Variants in DGKH observed in about 807,000 individuals in gnomAD.
The protein encoded by DGKH is DAG kinase eta.
In DGKH, 90 loss-of-function variants were observed where a neutral mutation model predicts 159.3. That is an observed-to-expected ratio of 0.57 (90% CI 0.48 to 0.67). The LOEUF (loss-of-function observed/expected upper bound fraction) is 0.67, where lower values mean the gene tolerates loss of function less well. Ranked by LOEUF, DGKH falls within the 30% of genes least tolerant of loss-of-function variation. The pLI, the probability that DGKH is intolerant of heterozygous loss-of-function variation, is 0.00. For synonymous variants in DGKH, 536 were observed against 553.8 expected (o/e 0.97, Z 0.45); for missense variants, 1,181 against 1,506.1 (o/e 0.78, Z 3.57).
upstream of DGKH, chr13:42,048,635 G>A (rs559948162): frequency 1.2e-5 from 13 of 1,109,680 alleles, no homozygotes; most frequent in African/African-American, 1.5e-4. This position sits in a 1 kb window ranked among gnomAD's most constrained non-coding sequence, Gnocchi z 6.7. Flanking sequence ...CCCTTACCTC[G>A]CGGGGGTAGC....
At chr13:42,113,009 G>A (rs1436390411) in intron 1 of DGKH, among the ~76,000 whole-genome samples, 2 of 152,274 alleles carry the variant, frequency 1.3e-5, no homozygotes, top group African/African-American at 4.8e-5. Context: ...CTTTTGTTCG[G>A]ATCATAGTTG....
At chr13:42,157,628 A>G (rs949120505) in intron 5 of DGKH, among the ~76,000 whole-genome samples, 2 of 152,194 alleles carry the variant, frequency 1.3e-5, no homozygotes, top group African/African-American at 4.8e-5. Context: ...TATTTTCTAT[A>G]TGAAGTCTGT....
In DGKH at chr13:42,070,287, T is replaced by A. The variant is rs530010705; in HGVS notation, c.192+21322T>A. The A allele has an allele frequency of 1.4e-5, 18 of 1,251,712 alleles. No homozygotes were observed. In the East Asian group the frequency reaches 4.2e-4, roughly 29 times the overall value. The allele number at this position is 1,251,712 out of a possible 1,614,324, so 77.5% of individuals were successfully genotyped here. On this transcript the variant is annotated intron_variant, in intron 1 of 29. Transcript: ENST00000337343. ...GTTTGTGTGGCTCAGTCATGTGATT[T>A]CTAATGTAAACTGGAATTACGCTGA...
At chr13:42,101,031 G>C (rs966468777) in intron 1 of DGKH, among the ~76,000 whole-genome samples, 1 of 152,250 alleles carries the variant, frequency 6.6e-6, no homozygotes, top group South Asian at 2.1e-4. Context: ...AGCTGTTGAT[G>C]ATCTTTGTGA....
At chr13:42,053,548 C>CTATATATGTATATATATAACTA (rs1881507303) in intron 1 of DGKH, among the ~76,000 whole-genome samples, 6 of 97,872 alleles carry the variant, frequency 6.1e-5, no homozygotes, top group South Asian at 3.3e-4. Context: ...ATATATATAA[C>CTATATATGTATATATATAACTA]TATATATGTA....
chr13:42,161,974 C>T (rs1956193505), intron 7 of DGKH, among the ~76,000 whole-genome samples: 1 of 151,912 alleles, frequency 6.6e-6, no homozygotes, highest in African/African-American at 2.4e-5. Flanking sequence ...TTCTATTCAC[C>T]CCTAACTTTT....
At chr13:42,110,587 A>ATCATTCATTCATTCATTCAT (rs140415925) in intron 1 of DGKH, among the ~76,000 whole-genome samples, 46,575 of 150,800 alleles carry the variant, frequency 0.31, 7,691 homozygotes, top group African/African-American at 0.42. Context: ...TTGAAGGATA[A>ATCATTCATTCATTCATTCAT]TCATTCATTC....
At chr13:42,047,899 G>A (rs1231136919), upstream of DGKH, among the ~76,000 whole-genome samples, 2 of 152,004 alleles carry the variant, frequency 1.3e-5, no homozygotes, top group African/African-American at 2.4e-5. Flanking sequence ...TTGTTTCTGC[G>A]CTTTCTCCAC....
At position 42,122,960 on chromosome 13, in the gene DGKH, G is replaced by A. The variant is rs115022352; in HGVS notation, c.193-4503G>A. ...AATTTTGCAAGATGTTCTTTGATTT[G>A]ACTAAAAAATCTGTATGATCCAAGA... On this transcript the variant is annotated intron_variant, in intron 1 of 29. Coordinates refer to ENST00000337343, the MANE Select transcript of DGKH (RefSeq NM_178009.5). Among the ~76,000 whole-genome samples, 478 of 152,196 alleles carry A rather than the reference G, an allele frequency of 3.1e-3. 2 individuals carry two copies. The highest frequency in any genetic ancestry group is 0.011 in the African/African-American group (466 of 41,552).
rs1021417913 is a variant in DGKH, at chr13:42,134,136, A to C, written c.384+4504A>C. ...TGGAAAACCTGTGCTTTGCCTGAAA[A>C]CCCAGTGCTGAACTCTCTGGTAAAA... On this transcript the variant is annotated intron_variant, in intron 3 of 29. Coordinates refer to ENST00000337343, the MANE Select transcript of DGKH (RefSeq NM_178009.5). Among the ~76,000 whole-genome samples the C allele has an allele frequency of 3.3e-5, 5 of 152,270 alleles. No individual in the cohort carries two copies. In the South Asian group the frequency reaches 8.3e-4, roughly 25 times the overall value.
In DGKH at chr13:42,199,817, C is replaced by A; in HGVS notation, c.2401C>A (p.Arg801=). The A allele has an allele frequency of 6.3e-7, 1 of 1,598,842 alleles. No individual in the cohort carries two copies. Among genetic ancestry groups the A allele is most frequent in the Non-Finnish European group, 8.5e-7 (1 of 1,176,072 alleles). The change falls in exon 20 of 30, where the codon CGA becomes AGA. Residue 801 remains arginine (R), a synonymous_variant. Coordinates refer to ENST00000337343, the MANE Select transcript of DGKH (RefSeq NM_178009.5). ...CCTGCCAATATTTATTTTCAGGAGC[C>A]GAACTAAAAACTTGATGTGGTATGG... The part of the protein sequence containing the change: ...REEHPEKCRS[R]TKNLMWYGVL...
intron 13 of DGKH, among the ~76,000 whole-genome samples, chr13:42,186,049 G>A (rs962090897): frequency 2.5e-5 from 3 of 119,290 alleles, no homozygotes; most frequent in African/African-American, 8.9e-5. Flanking sequence ...GTGTGTGTGT[G>A]TATGTCCTGT....
chr13:42,218,485 A>G (rs1384477248), intron 26 of DGKH, among the ~76,000 whole-genome samples: 1 of 120,946 alleles, frequency 8.3e-6, no homozygotes, highest in African/African-American at 3.1e-5. Flanking sequence ...AAAAAGTATT[A>G]TTTGTTCATG....
At position 42,206,112 on chromosome 13, in the gene DGKH, G is replaced by A; in HGVS notation, c.2567G>A (p.Gly856Asp). 1.4e-6 allele frequency: 2 copies of A among 1,457,116 alleles called. No individual in the cohort carries two copies. The highest frequency in any genetic ancestry group is 1.8e-6 in the Non-Finnish European group (2 of 1,096,340). The allele number at this position is 1,457,116 out of a possible 1,614,324, so 90.3% of individuals were successfully genotyped here. Residue 856 changes from glycine to aspartate, a missense_variant, in exon 21 of 30, where the codon GGC (glycine) becomes GAC (aspartate). Physicochemically the swap from Gly to Asp is moderately conservative, Grantham distance 94 (BLOSUM62 -1). This residue lies in a region of DGKH where 335 missense variants were observed against 495.2 expected (regional missense o/e 0.68). Coordinates refer to ENST00000337343, the MANE Select transcript of DGKH (RefSeq NM_178009.5). ...AVLNIPSYAGGTNFWGGTKED... is the reference protein window; with the variant it reads ...AVLNIPSYAGDTNFWGGTKED... ...TTGAACATTCCCAGCTATGCTGGAG[G>A]CACTAACTTTTGGGGTGGAACTAAA...
chr13:42,060,520 C>T (rs1882078567), intron 1 of DGKH, among the ~76,000 whole-genome samples: 1 of 152,214 alleles, frequency 6.6e-6, no homozygotes, highest in Non-Finnish European at 1.5e-5. Flanking sequence ...CCAAATTTTG[C>T]TCCACAGCTT....
chr13:42,176,367 A>G (rs1180608779), intron 12 of DGKH, among the ~76,000 whole-genome samples: 1 of 152,156 alleles, frequency 6.6e-6, no homozygotes, highest in Non-Finnish European at 1.5e-5. Flanking sequence ...TTTAGATTAT[A>G]TATTTTCATT....
intron 1 of DGKH, chr13:42,069,544 T>C: frequency 1.3e-6 from 2 of 1,596,374 alleles, no homozygotes; most frequent in Non-Finnish European, 1.7e-6. Context: ...TTCCCTTTCT[T>C]TTCCAGCCAG....
At chr13:42,157,409 CTGAG>C (rs1396434545) in intron 5 of DGKH, among the ~76,000 whole-genome samples, 2 of 152,126 alleles carry the variant, frequency 1.3e-5, no homozygotes, top group Admixed American at 6.5e-5. Context: ...AGTGGAATGA[CTGAG>C]TATTTTTCTA....
rs1958336044 is a variant in DGKH at position 42,232,980 on chromosome 13, A to T, written c.*3792A>T. The T allele has an allele frequency of 6.7e-6, 1 of 149,858 alleles. No individual in the cohort carries two copies. The highest frequency in any genetic ancestry group is 1.5e-5 in the Non-Finnish European group (1 of 66,998). 9.3% of individuals were successfully genotyped at this position (149,858 alleles called of 1,614,324 possible). A position where few individuals can be genotyped will look rare whatever the true frequency, so the allele number is the denominator to read the frequency against. ...CCTGTCTCTGAAAAAAAATTTTTTT[A>T]ACTAGCTAGGCATGGTGGCATGCGC... On this transcript the variant is annotated 3_prime_UTR_variant, in exon 30 of 30. Coordinates refer to ENST00000337343, the MANE Select transcript of DGKH (RefSeq NM_178009.5).
Sources: gnomAD v4.1 joint callset for allele counts (sites outside exome capture counted in the v4.1 genomes callset) on GRCh38, gnomAD v4.1.1 for gene constraint, gnomAD v4.1.1 regional missense constraint, Gnocchi (gnomAD v3.1) non-coding constraint, MANE v1.5 for transcripts, NCBI Gene and HGNC (gene_info 2026-07-23, HGNC 2026-07-21) for gene names.